The following ZPBP variants were observed in gnomAD, a reference collection of about 807,000 sequenced individuals.
ZPBP encodes zona pellucida-binding protein 1.
In ZPBP, 26 loss-of-function variants were observed where a neutral mutation model predicts 44.8. The ratio of observed to expected loss-of-function variants is 0.58; its 90% CI spans 0.43 to 0.81. The LOEUF (loss-of-function observed/expected upper bound fraction) is 0.81. Ranked by LOEUF, ZPBP falls within the 30% of genes least tolerant of loss-of-function variation. The pLI is 0.00. For missense variants in ZPBP, 409 were observed against 434.0 expected (o/e 0.94, Z 0.51); for synonymous variants, 174 against 153.2 (o/e 1.14, Z -1.00).
chr7:49,998,647 T>C (rs1165413794), intron 6 of ZPBP, among the ~76,000 whole-genome samples: 1 of 152,296 alleles, frequency 6.6e-6, no homozygotes, highest in African/African-American at 2.4e-5. Flanking sequence ...ATCAGAGTAA[T>C]TAGTATCTTT....
At chr7:50,061,175 G>A (rs1801215959) in intron 3 of ZPBP, among the ~76,000 whole-genome samples, 1 of 152,012 alleles carries the variant, frequency 6.6e-6, no homozygotes, top group Non-Finnish European at 1.5e-5. Context: ...CATAATAATA[G>A]CCATGTGTGA....
At chr7:49,949,603 AT>A in intron 7 of ZPBP, among the ~76,000 whole-genome samples, 1 of 152,132 alleles carries the variant, frequency 6.6e-6, no homozygotes, top group East Asian at 1.9e-4. Context: ...AAAATGTAGA[AT>A]GGTGGTTTTC....
chr7:49,847,795 C>T (rs537993770), downstream of ZPBP, among the ~76,000 whole-genome samples: 1 of 152,252 alleles, frequency 6.6e-6, no homozygotes, highest in South Asian at 2.1e-4. Context: ...GAACCTGGCC[C>T]TGATGATCAG....
At chr7:49,939,972 G>T (rs1022088968) in intron 7 of ZPBP, among the ~76,000 whole-genome samples, 1 of 152,120 alleles carries the variant, frequency 6.6e-6, no homozygotes, top group African/African-American at 2.4e-5. Flanking sequence ...TCAATGAAAA[G>T]GGATTTGTGG....
chr7:49,862,340 A>T (rs1332220015), intron 2 of ZPBP, among the ~76,000 whole-genome samples: 2 of 152,128 alleles, frequency 1.3e-5, no homozygotes, highest in Non-Finnish European at 2.9e-5. Context: ...AAGTTTTCTG[A>T]GTTCAATTAT....
intron 6 of ZPBP, among the ~76,000 whole-genome samples, chr7:50,012,630 T>C (rs756831929): frequency 2.0e-5 from 3 of 149,724 alleles, no homozygotes; most frequent in Non-Finnish European, 4.5e-5. Context: ...TCCCAGTAAA[T>C]TGGGAATAGA....
chr7:49,924,883 A>G (rs924196203), intron 1 of ZPBP, among the ~76,000 whole-genome samples: 4 of 152,240 alleles, frequency 2.6e-5, no homozygotes, highest in African/African-American at 9.6e-5. Flanking sequence ...ATTGCCTCCC[A>G]TAAATCCCAG....
Position 49,937,502 on chromosome 7 carries a change from A to G in ZPBP, c.*26T>C, listed in dbSNP as rs1304221669. On this transcript the variant is annotated 3_prime_UTR_variant, in exon 8 of 8. Coordinates refer to ENST00000046087, the MANE Select transcript of ZPBP (RefSeq NM_007009.3). ...CAAATATATACTTTGCATTTAATAA[A>G]CCACTGAATAACTGAAGATAATGGC... 6.6e-7 allele frequency: 1 copy of G among 1,525,396 alleles called. No individual in the cohort carries two copies. Among genetic ancestry groups the G allele is most frequent in the Admixed American group, 1.7e-5 (1 of 59,890 alleles). The allele number at this position is 1,525,396 out of a possible 1,614,324, so 94.5% of individuals were successfully genotyped here. A position where few individuals can be genotyped will look rare whatever the true frequency, so the allele number is the denominator to read the frequency against.
At chr7:49,893,556 G>A (rs1792235142) in intron 2 of ZPBP, among the ~76,000 whole-genome samples, 1 of 151,766 alleles carries the variant, frequency 6.6e-6, no homozygotes, top group African/African-American at 2.4e-5. Context: ...ATGTCCACAT[G>A]AACAAATAAA....
chr7:49,903,729 G>A (rs918164051), intron 1 of ZPBP, among the ~76,000 whole-genome samples: 5 of 152,142 alleles, frequency 3.3e-5, no homozygotes, highest in Non-Finnish European at 4.4e-5. Context: ...GTTGTCTGGG[G>A]TATATACCCA....
At chr7:49,995,447 C>A (rs1017569014) in intron 6 of ZPBP, among the ~76,000 whole-genome samples, 1 of 152,194 alleles carries the variant, frequency 6.6e-6, no homozygotes. Context: ...AATAAAACCA[C>A]GTTTGGTATA....
chr7:49,851,881 A>G (rs1286583406), intron 2 of ZPBP, among the ~76,000 whole-genome samples: 1 of 151,982 alleles, frequency 6.6e-6, no homozygotes. Flanking sequence ...CCACTACAAA[A>G]TGGCCAGACC....
the ZPBP span, among the ~76,000 whole-genome samples, chr7:49,843,584 T>C: frequency 6.6e-6 from 1 of 152,226 alleles, no homozygotes; most frequent in South Asian, 2.1e-4. Flanking sequence ...TGAATGATTT[T>C]AGTTTTGTAT....
intron 6 of ZPBP, among the ~76,000 whole-genome samples, chr7:49,996,904 T>C (rs1797873131): frequency 6.6e-6 from 1 of 152,198 alleles, no homozygotes; most frequent in South Asian, 2.1e-4. Context: ...CCTTTGGTGG[T>C]TGAGTTTCTC....
chr7:50,051,089 A>G (rs1188597437), intron 4 of ZPBP, among the ~76,000 whole-genome samples: 1 of 152,164 alleles, frequency 6.6e-6, no homozygotes, highest in Non-Finnish European at 1.5e-5. Flanking sequence ...ACAAATTTAC[A>G]AGAAAAAAAA....
intron 5 of ZPBP, among the ~76,000 whole-genome samples, chr7:50,030,408 A>C (rs75373826): frequency 0.031 from 4,672 of 152,090 alleles, 94 homozygotes; most frequent in Middle Eastern, 0.061. Context: ...TGCTTCTAAA[A>C]CTTCAATCCT....
At chr7:49,949,093 C>A (rs762953313) in intron 7 of ZPBP, among the ~76,000 whole-genome samples, 9 of 152,056 alleles carry the variant, frequency 5.9e-5, no homozygotes, top group Non-Finnish European at 1.3e-4. Flanking sequence ...AACACTGCTA[C>A]CTCTTTCTCC....
At chr7:49,939,796 G>A (rs772203860) in intron 7 of ZPBP, among the ~76,000 whole-genome samples, 6 of 152,132 alleles carry the variant, frequency 3.9e-5, no homozygotes, top group Non-Finnish European at 5.9e-5. Context: ...GAAAAGAGAA[G>A]TAGGCATTCA....
chr7:49,880,151 AAT>A (rs1416015384), intron 2 of ZPBP, among the ~76,000 whole-genome samples: 1 of 152,156 alleles, frequency 6.6e-6, no homozygotes, highest in African/African-American at 2.4e-5. Flanking sequence ...CTGCTTTTGC[AAT>A]ATTTTACTAA....
Sources: allele counts gnomAD v4.1 joint callset (sites outside exome capture counted in the v4.1 genomes callset), GRCh38; gene constraint gnomAD v4.1.1; transcripts MANE v1.5; gene names NCBI Gene and HGNC (gene_info 2026-07-23, HGNC 2026-07-21).